Variants in ANKRD13C observed in about 807,000 individuals in gnomAD.
ANKRD13C encodes ankyrin repeat domain-containing protein 13C.
In ANKRD13C, 16 loss-of-function variants were observed where a neutral mutation model predicts 65.5. That is an observed-to-expected ratio of 0.24 (90% CI 0.17 to 0.37). The LOEUF (loss-of-function observed/expected upper bound fraction) is 0.37. Ranked by LOEUF, ANKRD13C falls within the 10% of genes least tolerant of loss-of-function variation. ANKRD13C has a pLI of 1.00. For synonymous variants in ANKRD13C, 235 were observed against 238.7 expected (o/e 0.98, Z 0.14); for missense variants, 503 against 655.9 (o/e 0.77, Z 2.55).
Position 70,354,658 on chromosome 1 carries a change from C to A in ANKRD13C, c.-250G>T. 1 of 921,526 alleles carries A rather than the reference C, an allele frequency of 1.1e-6. No homozygotes were observed. Among genetic ancestry groups the A allele is most frequent in the Non-Finnish European group, 1.6e-6 (1 of 632,924 alleles). 57.1% of individuals were successfully genotyped at this position (921,526 alleles called of 1,614,324 possible). On this transcript the variant is annotated 5_prime_UTR_variant, in exon 1 of 13. Transcript: ENST00000370944. The stretch of plus-strand genomic sequence containing the variant: ...GCCCACGACACCAGGATCTCAGTCT[C>A]GCCGTCGCAGCCGCCGTCGCTGCCT...
chr1:70,341,651 C>T (rs1682317338), intron 1 of ANKRD13C, among the ~76,000 whole-genome samples: 1 of 152,122 alleles, frequency 6.6e-6, no homozygotes, highest in African/African-American at 2.4e-5. Flanking sequence ...TGAGCCACTG[C>T]CAGCCCAGCC....
At chr1:70,324,589 A>G (rs1003259010) in intron 3 of ANKRD13C, among the ~76,000 whole-genome samples, 2 of 152,134 alleles carry the variant, frequency 1.3e-5, no homozygotes, top group Non-Finnish European at 2.9e-5. Flanking sequence ...TGTATTATGG[A>G]TGAATAAAAA....
chr1:70,341,616 TC>T (rs1008787374), intron 1 of ANKRD13C, among the ~76,000 whole-genome samples: 8 of 152,140 alleles, frequency 5.3e-5, no homozygotes, highest in African/African-American at 1.9e-4. Context: ...TGCCTCAGCC[TC>T]CCAAAGTGAT....
rs78435355 is a variant in ANKRD13C, at chr1:70,288,182, A to G, written c.1215+4206T>C. Among the ~76,000 whole-genome samples the G allele has an allele frequency of 1.1e-3, 167 of 152,386 alleles. 3 individuals are homozygous for G. The East Asian group carries it at 0.025, about 23-fold the overall frequency. On this transcript the variant is annotated intron_variant, in intron 9 of 12. Coordinates refer to ENST00000370944, the MANE Select transcript of ANKRD13C (RefSeq NM_030816.5). The stretch of plus-strand genomic sequence containing the variant: ...TATCATTAGCCATTAGGAAAATGCA[A>G]TTAAATCAAAATGGGATAGCATTGA...
At chr1:70,335,644 T>C (rs1681990823) in intron 2 of ANKRD13C, among the ~76,000 whole-genome samples, 1 of 150,612 alleles carries the variant, frequency 6.6e-6, no homozygotes, top group African/African-American at 2.4e-5. Flanking sequence ...AATAAACAAG[T>C]ATTAAGTTTT....
At chr1:70,309,417 T>G (rs1334812127) in intron 5 of ANKRD13C, among the ~76,000 whole-genome samples, 1 of 150,044 alleles carries the variant, frequency 6.7e-6, no homozygotes, top group Admixed American at 6.6e-5. Context: ...ATGTTTTCTA[T>G]CTATAATATA....
chr1:70,275,485 T>C (rs1161941982), intron 10 of ANKRD13C, among the ~76,000 whole-genome samples: 1 of 151,844 alleles, frequency 6.6e-6, no homozygotes, highest in East Asian at 1.9e-4. Context: ...CTATGTTGAC[T>C]CAGGTTGCCT....
intron 4 of ANKRD13C, 33 bp downstream of exon 4, chr1:70,315,448 A>T: frequency 1.9e-6 from 3 of 1,552,502 alleles, no homozygotes; most frequent in Non-Finnish European, 2.6e-6. Context: ...AATTACTTCC[A>T]AGGTGCAAAA....
At chr1:70,329,714 C>A (rs892658236) in intron 2 of ANKRD13C, among the ~76,000 whole-genome samples, 4 of 151,942 alleles carry the variant, frequency 2.6e-5, no homozygotes, top group African/African-American at 9.7e-5. Flanking sequence ...CACAACTCAA[C>A]TGAAGTAGAG....
At chr1:70,311,119 A>G (rs1319441552) in intron 5 of ANKRD13C, among the ~76,000 whole-genome samples, 2 of 152,372 alleles carry the variant, frequency 1.3e-5, no homozygotes, top group East Asian at 3.9e-4. Context: ...TTAATCATCC[A>G]TGCCATAAAG....
At chr1:70,339,781 T>C (rs1006127431) in intron 1 of ANKRD13C, among the ~76,000 whole-genome samples, 5 of 150,258 alleles carry the variant, frequency 3.3e-5, no homozygotes, top group African/African-American at 1.2e-4. Context: ...ATATCTGTTA[T>C]TTGTGCCTTC....
chr1:70,315,390 T>G, intron 4 of ANKRD13C, 91 bp downstream of exon 4: 15 of 1,103,848 alleles, frequency 1.4e-5, no homozygotes, highest in Non-Finnish European at 2.0e-5. Context: ...CCCTAATAAG[T>G]GAGAATTTAA....
rs141105905 is a variant in ANKRD13C, at chr1:70,345,935, T to C, written c.430+8044A>G. ...AATGGTGTTCCATGAAAAAGGTGGC[T>C]AGCTCAGCTTACACTCAAATACCCC... On this transcript the variant is annotated intron_variant, in intron 1 of 12. Transcript: ENST00000370944. Among the ~76,000 whole-genome samples, 647 of 152,336 alleles carry C rather than the reference T, an allele frequency of 4.2e-3. 6 individuals are homozygous for C. Among genetic ancestry groups the C allele is most frequent in the South Asian group, 0.036 (173 of 4,832 alleles).
chr1:70,353,793 C>A (rs1228508612), intron 1 of ANKRD13C, among the ~76,000 whole-genome samples, 186 bp downstream of exon 1: 1 of 152,156 alleles, frequency 6.6e-6, no homozygotes, highest in Non-Finnish European at 1.5e-5. Context: ...CATTCCTTTG[C>A]ACCCACAAGA....
At chr1:70,315,658 T>C (rs1681042071) in intron 3 of ANKRD13C, 92 bp from the exon 4 acceptor site, 1 of 950,264 alleles carries the variant, frequency 1.1e-6, no homozygotes, top group Non-Finnish European at 1.6e-6. Flanking sequence ...AGATAATACA[T>C]GTACACATAT....
chr1:70,329,385 G>A (rs1306346046), intron 2 of ANKRD13C, among the ~76,000 whole-genome samples: 1 of 152,054 alleles, frequency 6.6e-6, no homozygotes. Context: ...GCTGGGCATG[G>A]TGGCCCACGC....
chr1:70,336,647 A>G (rs1682047281), intron 1 of ANKRD13C, among the ~76,000 whole-genome samples: 1 of 152,210 alleles, frequency 6.6e-6, no homozygotes, highest in Admixed American at 6.5e-5. Context: ...TTTGTTAGAA[A>G]TCTGTAGGCG....
At chr1:70,305,098 C>G (rs1184506595) in intron 6 of ANKRD13C, among the ~76,000 whole-genome samples, 1 of 151,730 alleles carries the variant, frequency 6.6e-6, no homozygotes, top group Admixed American at 6.6e-5. Context: ...TCTTTATTAT[C>G]TAAAAAAAGA....
In ANKRD13C at chr1:70,294,460, G is replaced by A. The variant is rs930201019; in HGVS notation, c.1053+1670C>T. ...TTTTTAGATGTGATTAACAATCAAC[G>A]GACTTTAAGTAGAGCTAATTACCCT... is the stretch of plus-strand genomic sequence containing the variant. On this transcript the variant is annotated intron_variant, in intron 8 of 12. Coordinates refer to ENST00000370944, the MANE Select transcript of ANKRD13C (RefSeq NM_030816.5). Among the ~76,000 whole-genome samples, 8 of 152,068 alleles carry A rather than the reference G, an allele frequency of 5.3e-5. No homozygotes were observed. In the South Asian group the frequency reaches 6.2e-4, roughly 12 times the overall value.
Sources: allele counts gnomAD v4.1 joint callset (sites outside exome capture counted in the v4.1 genomes callset), GRCh38; gene constraint gnomAD v4.1.1; transcripts MANE v1.5; gene names NCBI Gene and HGNC (gene_info 2026-07-23, HGNC 2026-07-21).